Variants in PADI6 observed in about 807,000 individuals in gnomAD.
PADI6 encodes inactive protein-arginine deiminase type-6.
Under a neutral mutation model 78.2 loss-of-function variants are expected in PADI6, and 66 were observed. The ratio of observed to expected loss-of-function variants is 0.84; its 90% confidence interval spans 0.69 to 1.04. The LOEUF (loss-of-function observed/expected upper bound fraction) is 1.04. Ranked by LOEUF, PADI6 falls within the 50% of genes least tolerant of loss-of-function variation. The pLI is 0.00. For synonymous variants in PADI6, 397 were observed against 346.9 expected, an observed-to-expected ratio of 1.14 and a Z score of -1.60; for missense variants, 854 against 866.1, an observed-to-expected ratio of 0.99 and a Z score of 0.18.
Position 17,394,954 on chromosome 1 carries a change from A to G in PADI6, c.1341A>G (p.Ala447=). The change falls in exon 12 of 16, where the codon GCA becomes GCG. Residue 447 remains alanine (A), a synonymous_variant. Transcript: ENST00000619609. ...VLIGSSFYPS[A]EGRAMSKTLR... ...GTTCTTTCCATCTTCCTTCTAGCGC[A>G]GAGGGCCGGGCCATGAGTAAGACCC... 1 of 1,609,962 alleles carries G rather than the reference A, an allele frequency of 6.2e-7. No homozygotes were observed. The highest frequency in any genetic ancestry group is 1.1e-5 in the South Asian group (1 of 90,784).
chr1:17,376,452 A>G (rs2075017020), intron 3 of PADI6, among the ~76,000 whole-genome samples: 1 of 150,982 alleles, frequency 6.6e-6, no homozygotes, highest in African/African-American at 2.4e-5. Flanking sequence ...GGTACCCGCC[A>G]CCATGCCCGG....
rs959684970 is a variant in PADI6, at chr1:17,401,680, G to A, written c.*242G>A. 2.0e-6 allele frequency: 1 copy of A among 507,796 alleles called. No homozygotes were observed. Among genetic ancestry groups the A allele is most frequent in the Admixed American group, 3.5e-5 (1 of 28,242 alleles). The allele number at this position is 507,796 out of a possible 1,614,324, so 31.5% of individuals were successfully genotyped here. A position where few individuals can be genotyped will look rare whatever the true frequency, so the allele number is the denominator to read the frequency against. Reference sequence around the variant, plus strand: ...TGACGTTTACTAAATAGCCAATAAAGGGCTGGTGGGTGTGAATGCATCTTG... The same window carrying A: ...TGACGTTTACTAAATAGCCAATAAAAGGCTGGTGGGTGTGAATGCATCTTG... On this transcript the variant is annotated 3_prime_UTR_variant, in exon 16 of 16. Coordinates refer to ENST00000619609, the MANE Select transcript of PADI6 (RefSeq NM_207421.4).
In PADI6 at chr1:17,376,853, GTTC is replaced by G. The variant is rs1391113835; in HGVS notation, c.367+1357_367+1359del. Among the ~76,000 whole-genome samples the G allele has an allele frequency of 2.0e-5, 3 of 151,212 alleles. No individual in the cohort carries two copies. The East Asian group carries it at 6.0e-4, about 30-fold the overall frequency. On this transcript the variant is annotated intron_variant, in intron 3 of 15. Transcript: ENST00000619609. ...AACACTAAGTTTTTGGTTTGTGTGG[GTTC>G]TTTTGTGTTTTTGTTTTGTTTTGTT...
chr1:17,395,082 C>A lies in PADI6; in HGVS notation c.1469C>A (p.Thr490Lys). 6.2e-7 allele frequency: 1 copy of A among 1,613,922 alleles called. No homozygotes were observed. Among genetic ancestry groups the A allele is most frequent in the Non-Finnish European group, 8.5e-7 (1 of 1,179,868 alleles). The change falls in exon 12 of 16, where the codon ACA becomes AAA. Residue 490 changes from threonine to lysine, a missense_variant. By Grantham distance (78) the Thr-to-Lys change is moderately conservative. Transcript: ENST00000619609. ...HVDEFMCFIP[T>K]DDKNEGKKGF... ...GATGAGTTCATGTGCTTCATCCCCA[C>A]AGATGACAAGAATGAGGGCAAAAAG...
intron 8 of PADI6, among the ~76,000 whole-genome samples, chr1:17,390,084 AG>A (rs1483231996): frequency 6.6e-6 from 1 of 151,940 alleles, no homozygotes; most frequent in South Asian, 2.1e-4. Flanking sequence ...GGATCACCTG[AG>A]GGTCGGAAGT....
chr1:17,395,004 A>C lies in PADI6; in HGVS notation c.1391A>C (p.Gln464Pro). Residue 464 changes from glutamine (Q) to proline (P), a missense_variant, in exon 12 of 16, where the codon CAG becomes CCG. Coordinates refer to ENST00000619609, the MANE Select transcript of PADI6 (RefSeq NM_207421.4). ...KTLRDFLYAQQVQAPVELYSD... is the reference protein window; with the variant it reads ...KTLRDFLYAQPVQAPVELYSD... Reference sequence around the variant, plus strand: ...CTCCGAGACTTCCTCTATGCCCAGCAGGTCCAAGCGCCGGTGGAGCTCTAC... The same window carrying C: ...CTCCGAGACTTCCTCTATGCCCAGCCGGTCCAAGCGCCGGTGGAGCTCTAC... 6.2e-7 allele frequency: 1 copy of C among 1,613,800 alleles called. No homozygotes were observed. Among genetic ancestry groups the C allele is most frequent in the Admixed American group, 1.7e-5 (1 of 60,012 alleles).
Position 17,396,544 on chromosome 1 carries a change from C to T in PADI6, c.1619-527C>T, listed in dbSNP as rs2075248985. Among the ~76,000 whole-genome samples the T allele has an allele frequency of 2.0e-5, 3 of 152,254 alleles. No homozygotes were observed. The South Asian group carries it at 6.2e-4, about 32-fold the overall frequency. On this transcript the variant is annotated intron_variant, in intron 13 of 15. Coordinates refer to ENST00000619609, the MANE Select transcript of PADI6 (RefSeq NM_207421.4). ...GCTCCACACCTCCTGGATACTCAGC[C>T]TTTGGGGTTGGGGCCCGGGAACTCC...
At chr1:17,400,475 C>A (rs183367482) in intron 15 of PADI6, among the ~76,000 whole-genome samples, 34 of 152,296 alleles carry the variant, frequency 2.2e-4, no homozygotes, top group Non-Finnish European at 4.3e-4. Flanking sequence ...CTGTTGCACT[C>A]CAGCCTGGGC....
rs752509549 is a variant in PADI6 at position 17,372,332 on chromosome 1, G to A, written c.87G>A (p.Leu29=). ...GCCCTGTCCATGCCGTTTGTGTGTT[G>A]GGCACAGAAATCTGCTTGGATCTCA... The part of the protein sequence containing the change: ...LDSPVHAVCV[L]GTEICLDLSG... Residue 29 remains leucine, a synonymous_variant, in exon 1 of 16, where the codon TTG becomes TTA. Transcript: ENST00000619609. 8 of 1,613,942 alleles carry A rather than the reference G, an allele frequency of 5.0e-6. No individual in the cohort carries two copies. The highest frequency in any genetic ancestry group is 1.6e-4 in the Middle Eastern group (1 of 6,062).
chr1:17,394,525 T>C, intron 11 of PADI6, 71 bp downstream of exon 11: 1 of 1,512,684 alleles, frequency 6.6e-7, no homozygotes, highest in South Asian at 1.2e-5. Flanking sequence ...CCCGCCTGCT[T>C]CCCATAGCAC....
chr1:17,393,025 A>G (rs2075204167), intron 9 of PADI6, among the ~76,000 whole-genome samples: 2 of 152,164 alleles, frequency 1.3e-5, no homozygotes, highest in South Asian at 2.1e-4. Flanking sequence ...GCGCGCCTGT[A>G]GTCCCACCTA....
At chr1:17,400,528 G>GTT (rs1034020363) in intron 15 of PADI6, among the ~76,000 whole-genome samples, 32 of 152,144 alleles carry the variant, frequency 2.1e-4, no homozygotes, top group Admixed American at 1.8e-3. Context: ...GTTTGTTTTT[G>GTT]TTTTTTAAAT....
intron 4 of PADI6, among the ~76,000 whole-genome samples, chr1:17,380,232 T>A (rs1194569157): frequency 3.3e-5 from 5 of 152,190 alleles, no homozygotes; most frequent in Admixed American, 3.3e-4. Flanking sequence ...TTGTTTTTGA[T>A]GGAGTTTCCC....
chr1:17,380,555 G>C (rs1025558193), intron 4 of PADI6, among the ~76,000 whole-genome samples: 1 of 152,096 alleles, frequency 6.6e-6, no homozygotes, highest in African/African-American at 2.4e-5. Context: ...ATTTTTAGTA[G>C]AGACGAGGTT....
chr1:17,391,134 A>C (rs1006679575), intron 8 of PADI6, among the ~76,000 whole-genome samples: 1 of 152,328 alleles, frequency 6.6e-6, no homozygotes, highest in South Asian at 2.1e-4. Flanking sequence ...GCCGGACTAC[A>C]GTCCCAATTT....
rs763180270 is a variant in PADI6, at chr1:17,372,205, A to G, written c.-41A>G. The G allele has an allele frequency of 1.3e-6, 2 of 1,572,678 alleles. No individual in the cohort carries two copies. The highest frequency in any genetic ancestry group is 1.8e-6 in the Non-Finnish European group (2 of 1,142,586). ...GGCAGGGTGAGCCCTGGGGCGTCTG[A>G]GGCTGCTGTGCTGAGTGAGGGCTGC... is the stretch of plus-strand genomic sequence containing the variant. On this transcript the variant is annotated 5_prime_UTR_variant, in exon 1 of 16. Transcript: ENST00000619609.
At chr1:17,396,088 A>C (rs2075244387) in intron 13 of PADI6, among the ~76,000 whole-genome samples, 1 of 152,132 alleles carries the variant, frequency 6.6e-6, no homozygotes, top group African/African-American at 2.4e-5. Context: ...CTTCTGATCT[A>C]AAGGCTGTGG....
At chr1:17,392,015 G>A in intron 8 of PADI6, 99 bp from the exon 9 acceptor site, 1 of 1,001,506 alleles carries the variant, frequency 1.0e-6, no homozygotes, top group South Asian at 1.5e-5. Flanking sequence ...AACCTCTCCT[G>A]GTGAGAAGGA....
chr1:17,384,799 G>GT (rs1199769503), intron 6 of PADI6, among the ~76,000 whole-genome samples: 1 of 152,210 alleles, frequency 6.6e-6, no homozygotes, highest in Non-Finnish European at 1.5e-5. Context: ...ACAATCCTCA[G>GT]AATGGCAGTC....
Sources: allele counts gnomAD v4.1 joint callset (sites outside exome capture counted in the v4.1 genomes callset), GRCh38; gene constraint gnomAD v4.1.1; transcripts MANE v1.5; gene names NCBI Gene and HGNC (gene_info 2026-07-23, HGNC 2026-07-21).